DCBLD1: variants seen among roughly 807,000 people sequenced by gnomAD.
DCBLD1 encodes the protein discoidin, CUB and LCCL domain-containing protein 1.
In DCBLD1, 57 loss-of-function variants were observed where a neutral mutation model predicts 71.5. That is an observed-to-expected ratio of 0.80 (90% confidence interval 0.64 to 0.99). The LOEUF is 0.99. DCBLD1 is among the 50% of genes least tolerant of loss of function. The pLI is 0.00. For synonymous variants in DCBLD1, 380 were observed against 363.8 expected, an observed-to-expected ratio of 1.04 and a Z score of -0.51; for missense variants, 891 against 923.5, an observed-to-expected ratio of 0.96 and a Z score of 0.46.
intron 14 of DCBLD1, among the ~76,000 whole-genome samples, chr6:117,557,550 G>T (rs989996903): frequency 6.6e-6 from 1 of 152,130 alleles, no homozygotes; most frequent in African/African-American, 2.4e-5. Context: ...ATCACCTGAG[G>T]TCAGAAAGTT....
At chr6:117,537,337 A>G in intron 7 of DCBLD1, 112 bp downstream of exon 7, 1 of 963,246 alleles carries the variant, frequency 1.0e-6, no homozygotes, top group Non-Finnish European at 1.6e-6. Flanking sequence ...GATCGAGACC[A>G]TCCTGGCTAA....
intron 9 of DCBLD1, 39 bp downstream of exon 9, chr6:117,539,418 G>C: frequency 6.4e-7 from 1 of 1,559,734 alleles, no homozygotes; most frequent in Non-Finnish European, 8.6e-7. Flanking sequence ...CTGAGTAGGA[G>C]AACAGGCCTC....
intron 1 of DCBLD1, among the ~76,000 whole-genome samples, chr6:117,502,993 G>A (rs548946236): frequency 1.3e-5 from 2 of 152,244 alleles, no homozygotes; most frequent in African/African-American, 4.8e-5. Flanking sequence ...TCTCTCCTTT[G>A]CATTTTGTTT....
At position 117,548,355 on chromosome 6, in the gene DCBLD1, G is replaced by T; in HGVS notation, c.2064G>T (p.Thr688=). 3 of 1,550,634 alleles carry T rather than the reference G, an allele frequency of 1.9e-6. No homozygotes were observed. Among genetic ancestry groups the T allele is most frequent in the Non-Finnish European group, 2.6e-6 (3 of 1,146,988 alleles). ...SGHPDSQKPP[T]HPGTSDSYSA... is the part of the protein sequence containing the mutation. ...ACCCTGACTCTCAGAAGCCCCCAACGCATCCCGGGACGAGTGACAGCTATT... is the reference window on the plus strand; with the variant it reads ...ACCCTGACTCTCAGAAGCCCCCAACTCATCCCGGGACGAGTGACAGCTATT... Residue 688 remains threonine, a synonymous_variant, in exon 15 of 15, where the codon ACG becomes ACT. Transcript: ENST00000338728.
At chr6:117,569,771 C>G (rs371936597) in exon 15 of DCBLD1, 3 of 1,537,976 alleles carry the variant, frequency 2.0e-6, no homozygotes, top group Non-Finnish European at 2.6e-6. Context: ...TTAAAGTACT[C>G]TTTGTAAGGT....
chr6:117,569,094 CTTTAG>C (rs1407730733), intron 14 of DCBLD1, among the ~76,000 whole-genome samples: 1 of 152,158 alleles, frequency 6.6e-6, no homozygotes, highest in African/African-American at 2.4e-5. Flanking sequence ...TCGCTAAGAA[CTTTAG>C]TTTACTCATT....
At position 117,569,749 on chromosome 6, in the gene DCBLD1, A is replaced by G. The variant is rs749883560; in HGVS notation, c.*125A>G. ...GTTCTTTCCCACCCTAACAACAACAAAGGGCAGTAAATTAAAGTACTCTTT... is the reference window on the plus strand; with the variant it reads ...GTTCTTTCCCACCCTAACAACAACAGAGGGCAGTAAATTAAAGTACTCTTT... On this transcript the variant is annotated 3_prime_UTR_variant, in exon 15 of 15. Transcript: ENST00000296955. 5.1e-6 allele frequency: 8 copies of G among 1,563,388 alleles called. No individual in the cohort carries two copies. The Admixed American group carries it at 1.5e-4, about 29-fold the overall frequency.
downstream of DCBLD1, among the ~76,000 whole-genome samples, chr6:117,552,461 C>A (rs1170832096): frequency 6.6e-6 from 1 of 152,184 alleles, no homozygotes; most frequent in Non-Finnish European, 1.5e-5. Flanking sequence ...CTGTGGCACA[C>A]ACCCTCCTCC....
At chr6:117,494,729 A>G (rs1777414084) in intron 1 of DCBLD1, 2 of 152,188 alleles carry the variant, frequency 1.3e-5, no homozygotes, top group African/African-American at 4.8e-5. Context: ...ATCAAGTCAC[A>G]TAATATAACT....
chr6:117,512,299 C>G (rs971670226), intron 2 of DCBLD1, among the ~76,000 whole-genome samples: 1 of 152,190 alleles, frequency 6.6e-6, no homozygotes, highest in Non-Finnish European at 1.5e-5. Flanking sequence ...TATCATCTGT[C>G]ACTGATTTTT....
At chr6:117,536,399 G>A (rs1362233221) in intron 6 of DCBLD1, among the ~76,000 whole-genome samples, 1 of 152,180 alleles carries the variant, frequency 6.6e-6, no homozygotes, top group East Asian at 1.9e-4. Flanking sequence ...TTATTTTAAA[G>A]GTTGATCTGG....
chr6:117,513,666 T>TAG (rs1778095609), intron 2 of DCBLD1, among the ~76,000 whole-genome samples: 1 of 152,182 alleles, frequency 6.6e-6, no homozygotes, highest in African/African-American at 2.4e-5. Context: ...ATAAAACACG[T>TAG]AGCACTGCTG....
At chr6:117,552,605 C>G (rs1215170035), downstream of DCBLD1, among the ~76,000 whole-genome samples, 1 of 152,094 alleles carries the variant, frequency 6.6e-6, no homozygotes, top group African/African-American at 2.4e-5. Context: ...TTTTTCCATT[C>G]ATTGAGGACA....
chr6:117,520,614 T>G (rs1778354831), intron 3 of DCBLD1, among the ~76,000 whole-genome samples: 1 of 152,176 alleles, frequency 6.6e-6, no homozygotes. Context: ...GTAATAACTT[T>G]AAAGCTGAAA....
chr6:117,535,523 G>T (rs905607041), intron 6 of DCBLD1, among the ~76,000 whole-genome samples: 6 of 152,044 alleles, frequency 3.9e-5, no homozygotes, highest in African/African-American at 1.4e-4. Context: ...TATTTAATTC[G>T]TTCAATGGAA....
intron 14 of DCBLD1, among the ~76,000 whole-genome samples, chr6:117,564,054 T>A (rs1427965290): frequency 1.3e-5 from 2 of 151,740 alleles, no homozygotes; most frequent in African/African-American, 4.8e-5. Flanking sequence ...TACGGCTCAC[T>A]GCTGCCTTGA....
chr6:117,532,182 A>G (rs904993692), intron 5 of DCBLD1, 78 bp from the exon 6 acceptor site: 2 of 1,517,564 alleles, frequency 1.3e-6, no homozygotes, highest in Admixed American at 2.3e-5. Context: ...AAATTACCAC[A>G]GAAACAAAAT....
chr6:117,492,395 A>G (rs186271503), intron 1 of DCBLD1, among the ~76,000 whole-genome samples: 276 of 152,348 alleles, frequency 1.8e-3, no homozygotes, highest in Admixed American at 3.5e-3. Context: ...GGAACCAGGC[A>G]CGTATCTTAC....
At chr6:117,501,414 A>G (rs770056397) in intron 1 of DCBLD1, among the ~76,000 whole-genome samples, 7 of 151,738 alleles carry the variant, frequency 4.6e-5, no homozygotes, top group Non-Finnish European at 1.0e-4. Flanking sequence ...GCTCACTGCA[A>G]CCTCTGCCTC....
Sources: allele counts gnomAD v4.1 joint callset (sites outside exome capture counted in the v4.1 genomes callset), GRCh38; gene constraint gnomAD v4.1.1; transcripts MANE v1.5; gene names NCBI Gene and HGNC (gene_info 2026-07-23, HGNC 2026-07-21).